Variants in LTN1 observed in about 807,000 individuals in gnomAD.
The protein encoded by LTN1 is E3 ubiquitin-protein ligase listerin.
A neutral mutation model predicts 201.2 loss-of-function variants in LTN1; 88 were observed. That is an observed-to-expected ratio of 0.44 (90% confidence interval 0.37 to 0.52). The LOEUF (loss-of-function observed/expected upper bound fraction) is 0.52. Among genes scored for constraint, LTN1 ranks in the 20% least tolerant of loss-of-function variants. LTN1 has a pLI of 0.00. For missense variants in LTN1, 1,752 were observed against 2,038.7 expected (o/e 0.86, Z 2.71); for synonymous variants, 645 against 713.5 (o/e 0.90, Z 1.53).
chr21:28,982,442 A>G lies in LTN1; in HGVS notation c.577-74T>C, dbSNP rs571350268. On this transcript the variant is annotated intron_variant, in intron 4 of 29. Coordinates refer to ENST00000361371, the MANE Select transcript of LTN1 (RefSeq NM_015565.3). ...TGGTGAACAGACAGAGCCTAGTTAA[A>G]TAAAATCCACTTTTTAAAAATCCCC... 19 of 1,107,256 alleles carry G rather than the reference A, an allele frequency of 1.7e-5. 1 individual carries two copies. In the Admixed American group the frequency reaches 3.0e-4, roughly 17 times the overall value. 68.6% of individuals were successfully genotyped at this position (1,107,256 alleles called of 1,614,324 possible).
Position 28,943,808 on chromosome 21 carries a change from C to T in LTN1, c.4079G>A (p.Ser1360Asn), listed in dbSNP as rs2084315752. 1 of 1,613,596 alleles carries T rather than the reference C, an allele frequency of 6.2e-7. No homozygotes were observed. Among genetic ancestry groups the T allele is most frequent in the African/African-American group, 1.3e-5 (1 of 74,892 alleles). The change falls in exon 23 of 30, where the codon AGT (serine) becomes AAT (asparagine). Residue 1360 changes from serine to asparagine, a missense_variant. By Grantham distance (46) the Ser-to-Asn change is conservative. Transcript: ENST00000361371. ...LTYISKEQLL[S>N]HKLPARLVAD... ...AACTAATCTTGCAGGAAGTTTGTGA[C>T]TCAATAGCTGTTCCTTTGAGATATA...
Position 28,986,316 on chromosome 21 carries a change from T to A in LTN1, c.247-79A>T, listed in dbSNP as rs2084698290. On this transcript the variant is annotated intron_variant, in intron 2 of 29. Transcript: ENST00000361371. The surrounding 1 kb of genome is among the most constrained non-coding windows in gnomAD (Gnocchi z 4.1). ...AGATTATTCTGTTCTGGAAGCTTTG[T>A]CTATTTTATGTAATAGGAGAATACA... 1.1e-6 allele frequency: 1 copy of A among 891,602 alleles called. No homozygotes were observed. Among genetic ancestry groups the A allele is most frequent in the Admixed American group, 2.2e-5 (1 of 45,102 alleles). 55.2% of individuals were successfully genotyped at this position (891,602 alleles called of 1,614,324 possible). A position where few individuals can be genotyped will look rare whatever the true frequency, so the allele number is the denominator to read the frequency against.
chr21:28,935,802 T>C (rs1601162652), intron 26 of LTN1, among the ~76,000 whole-genome samples: 1 of 141,928 alleles, frequency 7.0e-6, no homozygotes, highest in East Asian at 2.1e-4. Context: ...ATCACGCCAC[T>C]GCACTCCGGC....
intron 7 of LTN1, among the ~76,000 whole-genome samples, 189 bp from the exon 8 acceptor site, chr21:28,970,931 G>A (rs1001731091): frequency 3.9e-5 from 6 of 151,966 alleles, no homozygotes; most frequent in African/African-American, 9.7e-5. Flanking sequence ...TCATATATTC[G>A]ACATGCTTAC....
intron 17 of LTN1, among the ~76,000 whole-genome samples, chr21:28,952,523 G>A (rs563834205): frequency 3.9e-4 from 59 of 152,220 alleles, no homozygotes; most frequent in African/African-American, 1.4e-3. Context: ...GTCCCAATAG[G>A]GGAGATGATC....
At chr21:28,992,453 C>A (rs1833455618) in intron 1 of LTN1, among the ~76,000 whole-genome samples, 1 of 152,190 alleles carries the variant, frequency 6.6e-6, no homozygotes, top group African/African-American at 2.4e-5. Context: ...CCTCCCCCAA[C>A]CAACCCGCTA....
intron 11 of LTN1, chr21:28,961,495 G>A (rs1484117622): frequency 6.0e-6 from 1 of 167,452 alleles, no homozygotes; most frequent in East Asian, 1.9e-4. Flanking sequence ...TAAGGGCTGA[G>A]AAGTAAGGAA....
At chr21:28,974,488 T>C (rs1004001539) in intron 6 of LTN1, among the ~76,000 whole-genome samples, 1 of 152,156 alleles carries the variant, frequency 6.6e-6, no homozygotes. Flanking sequence ...TAGAAGAGAA[T>C]CAAACTGGGA....
Position 28,992,764 on chromosome 21 carries a change from C to T in LTN1, c.42G>A (p.Arg14=). 6.2e-7 allele frequency: 1 copy of T among 1,614,166 alleles called. No homozygotes were observed. The highest frequency in any genetic ancestry group is 8.5e-7 in the Non-Finnish European group (1 of 1,180,032). The change falls in exon 1 of 30, where the codon AGG becomes AGA. Residue 14 remains arginine (R), a splice_region_variant and synonymous_variant. Transcript: ENST00000361371. ...KNKQRTKGNL[R]PSNSGRAAEL... is the part of the protein sequence containing the mutation. ...GTCGGCCGAGCCAGCCCCCGCTCAC[C>T]CTCAGGTTCCCTTTAGTTCGCTGCT...
In LTN1 at chr21:28,947,578, G is replaced by T; in HGVS notation, c.3373C>A (p.His1125Asn). ...AATGGACATAGACTTTGAATGGTAT[G>T]CAAATTGCCTTCAGTTAGTGGAAAA... ...SFFPLTEGNL[H>N]TIQSLCPFLS... Residue 1125 changes from histidine (H) to asparagine (N), a missense_variant, in exon 19 of 30, where the codon CAT becomes AAT. Physicochemically the swap from His to Asn is moderately conservative, Grantham distance 68. Transcript: ENST00000361371. The T allele has an allele frequency of 6.4e-7, 1 of 1,566,608 alleles. No individual in the cohort carries two copies. Among genetic ancestry groups the T allele is most frequent in the Non-Finnish European group, 8.6e-7 (1 of 1,164,694 alleles).
At chr21:28,951,405 CTTT>C (rs998400369) in intron 18 of LTN1, among the ~76,000 whole-genome samples, 11 of 152,250 alleles carry the variant, frequency 7.2e-5, no homozygotes, top group Admixed American at 2.0e-4. Flanking sequence ...CAATCTACTT[CTTT>C]GTCTTAAGAA....
chr21:28,936,497 GA>G, intron 26 of LTN1, 28 bp downstream of exon 26: 1 of 1,559,292 alleles, frequency 6.4e-7, no homozygotes. Context: ...TAGTGTCCAA[GA>G]AAGAACATAA....
chr21:28,951,468 T>G (rs1386094215), intron 18 of LTN1, among the ~76,000 whole-genome samples: 1 of 152,174 alleles, frequency 6.6e-6, no homozygotes, highest in African/African-American at 2.4e-5. Context: ...GATGATGTTA[T>G]TTAAGAGAAG....
chr21:28,957,337 T>C lies in LTN1; in HGVS notation c.2887A>G (p.Met963Val), dbSNP rs374424628. ...EWEKMRQSLP[M>V]QWLHRPLLEG... ...CTCTTCAATTTCCAAAATACCTGCATAGGAAGAGACTGCCTCATCTTTTCC... is the reference window on the plus strand; with the variant it reads ...CTCTTCAATTTCCAAAATACCTGCACAGGAAGAGACTGCCTCATCTTTTCC... The change falls in exon 15 of 30, where the codon ATG becomes GTG. Residue 963 changes from methionine (M) to valine (V), a missense_variant. Physicochemically the swap from Met to Val is conservative, Grantham distance 21 (BLOSUM62 1). Around this residue, in one of 3 missense-constraint regions of LTN1, gnomAD observed 1,211 missense variants for 1,312.8 expected, o/e 0.92. Transcript: ENST00000361371. 198 of 1,587,636 alleles carry C rather than the reference T, an allele frequency of 1.2e-4. No homozygotes were observed. The highest frequency in any genetic ancestry group is 1.5e-4 in the Non-Finnish European group (180 of 1,172,136).
intron 19 of LTN1, 81 bp from the exon 20 acceptor site, chr21:28,946,368 T>G: frequency 3.4e-6 from 3 of 888,240 alleles, no homozygotes; most frequent in Non-Finnish European, 4.9e-6. Flanking sequence ...CTTTGAGAAG[T>G]AAAAGACTTT....
intron 3 of LTN1, among the ~76,000 whole-genome samples, chr21:28,985,585 T>C (rs913450739): frequency 5.3e-5 from 8 of 151,934 alleles, no homozygotes; most frequent in Non-Finnish European, 1.2e-4. Flanking sequence ...AGCACCTGGG[T>C]AATTCTCCAG....
intron 18 of LTN1, among the ~76,000 whole-genome samples, chr21:28,951,900 GT>G (rs1266727429): frequency 6.6e-6 from 1 of 152,054 alleles, no homozygotes; most frequent in Non-Finnish European, 1.5e-5. Context: ...ACCACAGGAG[GT>G]TGAGGGTACA....
At chr21:28,987,064 T>A (rs2084704191) in intron 1 of LTN1, 130 bp from the exon 2 acceptor site, 2 of 629,936 alleles carry the variant, frequency 3.2e-6, no homozygotes, top group Admixed American at 3.1e-5. Flanking sequence ...AGCCTAAAAT[T>A]TCATCTATTG....
chr21:28,971,613 A>C (rs564134424), intron 6 of LTN1, among the ~76,000 whole-genome samples, 169 bp from the exon 7 acceptor site: 1 of 152,396 alleles, frequency 6.6e-6, no homozygotes, highest in South Asian at 2.1e-4. Flanking sequence ...AAAAGGCATA[A>C]GGAATTACCA....
Sources: allele counts gnomAD v4.1 joint callset (sites outside exome capture counted in the v4.1 genomes callset), GRCh38; gene constraint gnomAD v4.1.1; regional missense constraint gnomAD v4.1.1; non-coding constraint Gnocchi (gnomAD v3.1); transcripts MANE v1.5; gene names NCBI Gene and HGNC (gene_info 2026-07-23, HGNC 2026-07-21).